MDN1: variants seen among roughly 807,000 people sequenced by gnomAD.
MDN1 encodes midasin.
Under a neutral mutation model 669.2 loss-of-function variants are expected in MDN1, and 266 were observed. That is an observed-to-expected ratio of 0.40 (90% CI 0.36 to 0.44). The LOEUF (loss-of-function observed/expected upper bound fraction) is 0.44, where lower values mean the gene tolerates loss of function less well. Among genes scored for constraint, MDN1 ranks in the 20% least tolerant of loss-of-function variants. The pLI is 1.00. For missense variants in MDN1, 5,940 were observed against 6,754.0 expected (o/e 0.88, Z 4.22); for synonymous variants, 2,385 against 2,457.1 (o/e 0.97, Z 0.87).
At chr6:89,741,237 AAAAC>A (rs1476737949) in intron 31 of MDN1, among the ~76,000 whole-genome samples, 1 of 152,214 alleles carries the variant, frequency 6.6e-6, no homozygotes, top group Non-Finnish European at 1.5e-5. Context: ...GTCTCAAAAC[AAAAC>A]AAACACAAAA....
At chr6:89,728,502 T>C (rs781691840) in intron 36 of MDN1, among the ~76,000 whole-genome samples, 2 of 152,204 alleles carry the variant, frequency 1.3e-5, no homozygotes, top group Non-Finnish European at 2.9e-5. Context: ...GTTTGGAAGG[T>C]CATGTTGCTG....
Position 89,687,369 on chromosome 6 carries a change from T to C in MDN1, c.11425A>G (p.Ile3809Val), listed in dbSNP as rs756122110. ...KHLDLISQMI[I>V]RWRKLELNCW... ...TTCAGCTCCAGTTTACGCCACCGAATGATCATCTGACTGATCAAATCAAGA... is the reference window on the plus strand; with the variant it reads ...TTCAGCTCCAGTTTACGCCACCGAACGATCATCTGACTGATCAAATCAAGA... The change falls in exon 68 of 102, where the codon ATT becomes GTT. Residue 3809 changes from isoleucine (I) to valine (V), a missense_variant. By Grantham distance (29) the Ile-to-Val change is conservative. Around this residue, in one of 5 missense-constraint regions of MDN1, gnomAD observed 2,280 missense variants for 2,576.3 expected, o/e 0.88. Coordinates refer to ENST00000369393, the MANE Select transcript of MDN1 (RefSeq NM_014611.3). The C allele has an allele frequency of 6.2e-7, 1 of 1,614,004 alleles. No individual in the cohort carries two copies. Among genetic ancestry groups the C allele is most frequent in the Admixed American group, 1.7e-5 (1 of 60,008 alleles).
intron 20 of MDN1, among the ~76,000 whole-genome samples, chr6:89,754,488 A>C (rs992170693): frequency 3.3e-5 from 5 of 152,190 alleles, no homozygotes; most frequent in African/African-American, 1.2e-4. Flanking sequence ...TCCTCTAGCA[A>C]AAAGGTACTG....
intron 65 of MDN1, among the ~76,000 whole-genome samples, chr6:89,689,237 T>C (rs1352618742): frequency 2.0e-5 from 3 of 152,184 alleles, no homozygotes; most frequent in East Asian, 3.9e-4. Context: ...AGAACTGTAA[T>C]CCTAATACTA....
chr6:89,781,340 G>A (rs572621570), intron 10 of MDN1, 59 bp downstream of exon 10: 2 of 1,538,916 alleles, frequency 1.3e-6, no homozygotes, highest in Admixed American at 1.7e-5. Context: ...AACAGAGCAG[G>A]AATCTGTCTC....
At position 89,655,795 on chromosome 6, in the gene MDN1, T is replaced by G; in HGVS notation, c.15459A>C (p.Gln5153His). ...TCTGTGCATCGTATGCGTCACTGCC[T>G]TGTTTAATGTGCTCGAATGCATCTG... is the stretch of plus-strand genomic sequence containing the variant. The part of the protein sequence containing the change: ...EDADAFEHIK[Q>H]GSDAYDAQTY... Residue 5153 changes from glutamine to histidine, a missense_variant, in exon 92 of 102, where the codon CAA becomes CAC. By Grantham distance (24) the Gln-to-His change is conservative. Transcript: ENST00000369393. The G allele has an allele frequency of 6.2e-7, 1 of 1,612,830 alleles. No individual in the cohort carries two copies. The highest frequency in any genetic ancestry group is 8.5e-7 in the Non-Finnish European group (1 of 1,179,538).
chr6:89,683,853 G>A lies in MDN1; in HGVS notation c.11881C>T (p.Gln3961Ter), dbSNP rs1015668537. The A allele has an allele frequency of 1.2e-6, 2 of 1,613,234 alleles. No homozygotes were observed. Among genetic ancestry groups the A allele is most frequent in the Non-Finnish European group, 8.5e-7 (1 of 1,179,456 alleles). The change falls in exon 72 of 102, where the codon CAA (glutamine) becomes TAA (stop). Residue 3961 changes from glutamine to a stop codon, truncating the protein, a stop_gained. Transcript: ENST00000369393. LOFTEE classifies it high-confidence loss of function. The part of the protein sequence containing the change: ...WNDVSFWSIK[Q>*]SVEKTHRTLF... ...TACCTGTGTGTCTTTTCTACAGATT[G>A]CTTAATGGACCAGAAGCTGACATCA... is the stretch of plus-strand genomic sequence containing the variant.
At chr6:89,716,961 AG>A (rs1301577925) in intron 43 of MDN1, 152 bp from the exon 44 acceptor site, 2 of 880,552 alleles carry the variant, frequency 2.3e-6, no homozygotes, top group Non-Finnish European at 3.3e-6. Flanking sequence ...GTTTAAACAC[AG>A]ATAGGAAAGT....
Position 89,815,314 on chromosome 6 carries a change from A to C in MDN1, c.102+4192T>G, listed in dbSNP as rs964276848. 2.7e-5 allele frequency: 13 copies of C among 481,732 alleles called. No homozygotes were observed. In the Admixed American group the frequency reaches 3.0e-4, roughly 11 times the overall value. 29.8% of individuals were successfully genotyped at this position (481,732 alleles called of 1,614,324 possible). ...GGGAGCAGGAATTCGGCATCTCCAG[A>C]AGCTGTCCCAAGAGCTGGATGAAGC... On this transcript the variant is annotated intron_variant, in intron 1 of 101. Transcript: ENST00000369393.
chr6:89,690,654 C>G lies in MDN1; in HGVS notation c.10749+19G>C. On this transcript the variant is annotated intron_variant, in intron 64 of 101. Coordinates refer to ENST00000369393, the MANE Select transcript of MDN1 (RefSeq NM_014611.3). ...CAAGGGAATTCATTCCAAAACACAC[C>G]CTGCCATCACTGCTCTACCTTTTCA... 6.2e-7 allele frequency: 1 copy of G among 1,613,182 alleles called. No individual in the cohort carries two copies. The highest frequency in any genetic ancestry group is 8.5e-7 in the Non-Finnish European group (1 of 1,179,626).
At chr6:89,778,012 C>G (rs986598538) in intron 11 of MDN1, among the ~76,000 whole-genome samples, 2 of 152,156 alleles carry the variant, frequency 1.3e-5, no homozygotes, top group African/African-American at 2.4e-5. Flanking sequence ...ACAGCAGGCT[C>G]TGTGTGAATT....
At chr6:89,688,446 T>G (rs1812165473) in intron 66 of MDN1, 127 bp downstream of exon 66, 1 of 807,822 alleles carries the variant, frequency 1.2e-6, no homozygotes, top group African/African-American at 1.7e-5. Context: ...CTCATTGAAC[T>G]GCAGTTCTTT....
intron 92 of MDN1, 106 bp from the exon 93 acceptor site, chr6:89,654,440 G>T: frequency 7.0e-7 from 1 of 1,432,012 alleles, no homozygotes. Flanking sequence ...AAATGCTAGT[G>T]ATGCAAGTTG....
At chr6:89,730,989 G>A (rs1815561465) in intron 34 of MDN1, 66 bp from the exon 35 acceptor site, 1 of 1,430,120 alleles carries the variant, frequency 7.0e-7, no homozygotes, top group Non-Finnish European at 9.6e-7. Flanking sequence ...CATTAAGCAG[G>A]AGCTCTAGCA....
At chr6:89,664,792 T>C (rs375504906) in intron 84 of MDN1, among the ~76,000 whole-genome samples, 164 bp from the exon 85 acceptor site, 1 of 152,064 alleles carries the variant, frequency 6.6e-6, no homozygotes, top group East Asian at 1.9e-4. Context: ...ATTTCTGGAG[T>C]TAGTTTCCAC....
At position 89,684,901 on chromosome 6, in the gene MDN1, C is replaced by A. The variant is rs542728437; in HGVS notation, c.11804G>T (p.Arg3935Leu). 1.2e-6 allele frequency: 2 copies of A among 1,610,772 alleles called. No homozygotes were observed. The highest frequency in any genetic ancestry group is 2.2e-5 in the East Asian group (1 of 44,862). ...DRVQAKIVEL[R>L]SPLEKELKEF... is the part of the protein sequence containing the mutation. The stretch of plus-strand genomic sequence containing the variant: ...TTTAAGTTCTTTTTCTAGGGGGGAA[C>A]GAAGTTCCACAATTTTGGCCTGGAC... Residue 3935 changes from arginine to leucine, a missense_variant, in exon 71 of 102, where the codon CGT (arginine) becomes CTT (leucine). Physicochemically the swap from Arg to Leu is moderately radical, Grantham distance 102. Around this residue, in one of 5 missense-constraint regions of MDN1, gnomAD observed 2,280 missense variants for 2,576.3 expected, o/e 0.88. Coordinates refer to ENST00000369393, the MANE Select transcript of MDN1 (RefSeq NM_014611.3).
chr6:89,749,311 C>T lies in MDN1; in HGVS notation c.3674G>A (p.Ser1225Asn). 2.5e-6 allele frequency: 4 copies of T among 1,614,068 alleles called. No homozygotes were observed. The South Asian group carries it at 4.4e-5, about 18-fold the overall frequency. Reference protein sequence around the residue: ...FVELHFDELPSSELETILHKR... With the variant: ...FVELHFDELPNSELETILHKR... ...GTGCAAGATTGTTTCCAACTCGGAGCTAGGTAACTCATCAAAGTGCAATTC... is the reference window on the plus strand; with the variant it reads ...GTGCAAGATTGTTTCCAACTCGGAGTTAGGTAACTCATCAAAGTGCAATTC... Residue 1225 changes from serine to asparagine, a missense_variant, in exon 26 of 102, where the codon AGC becomes AAC. This residue lies in a region of MDN1 where 2,292 missense variants were observed against 2,638.3 expected (regional missense o/e 0.87). Transcript: ENST00000369393.
At chr6:89,811,477 G>A (rs116863759) in intron 1 of MDN1, among the ~76,000 whole-genome samples, 6,116 of 151,250 alleles carry the variant, frequency 0.04, 204 homozygotes, top group Non-Finnish European at 0.052. Flanking sequence ...TCACTCTGTC[G>A]CCAGGCTGGA....
At chr6:89,703,742 G>A (rs1227549940) in intron 53 of MDN1, among the ~76,000 whole-genome samples, 1 of 152,154 alleles carries the variant, frequency 6.6e-6, no homozygotes, top group Non-Finnish European at 1.5e-5. Flanking sequence ...GCCAGGTGCG[G>A]TGGTTCATAC....
Sources: gnomAD v4.1 joint callset for allele counts (sites outside exome capture counted in the v4.1 genomes callset) on GRCh38, gnomAD v4.1.1 for gene constraint, gnomAD v4.1.1 regional missense constraint, MANE v1.5 for transcripts, NCBI Gene and HGNC (gene_info 2026-07-23, HGNC 2026-07-21) for gene names.